SPATA16: variants seen among roughly 807,000 people sequenced by gnomAD.
SPATA16 encodes the protein spermatogenesis-associated protein 16.
A neutral mutation model predicts 63.3 loss-of-function variants in SPATA16; 36 were observed. That is an observed-to-expected ratio of 0.57 (90% CI 0.44 to 0.75). The LOEUF is 0.75. Ranked by LOEUF, SPATA16 falls within the 30% of genes least tolerant of loss-of-function variation. SPATA16 has a pLI of 0.00. For synonymous variants in SPATA16, 203 were observed against 216.7 expected, an observed-to-expected ratio of 0.94 and a Z score of 0.56; for missense variants, 646 against 679.3, an observed-to-expected ratio of 0.95 and a Z score of 0.54.
At chr3:172,964,668 C>A (rs1476494736) in intron 5 of SPATA16, among the ~76,000 whole-genome samples, 3 of 152,084 alleles carry the variant, frequency 2.0e-5, no homozygotes, top group Non-Finnish European at 4.4e-5. Context: ...GTAGGTATTT[C>A]TTTTCCTAAC....
In SPATA16 at chr3:172,916,482, C is replaced by T. The variant is rs1560065987; in HGVS notation, c.1339-1G>A. The T allele has an allele frequency of 6.2e-6, 10 of 1,613,528 alleles. No individual in the cohort carries two copies. Among genetic ancestry groups the T allele is most frequent in the Non-Finnish European group, 7.6e-6 (9 of 1,179,600 alleles). The stretch of plus-strand genomic sequence containing the variant: ...CACCTGAGGATGCAGGAAAACTCCC[C>T]TAGTCTCAAAGTAAAAGAAATGTTT... On this transcript the variant is annotated splice_acceptor_variant, in intron 8 of 10. Coordinates refer to ENST00000351008, the MANE Select transcript of SPATA16 (RefSeq NM_031955.6). LOFTEE classifies it high-confidence loss of function.
intron 1 of SPATA16, among the ~76,000 whole-genome samples, chr3:173,122,897 G>A (rs1738118869): frequency 1.3e-5 from 2 of 152,236 alleles, no homozygotes; most frequent in East Asian, 1.9e-4. Context: ...GACCCTCAAT[G>A]TACATTTGTT....
chr3:173,052,409 C>G (rs1189253894), intron 2 of SPATA16, among the ~76,000 whole-genome samples: 1 of 152,116 alleles, frequency 6.6e-6, no homozygotes, highest in Non-Finnish European at 1.5e-5. Context: ...AAATAGGCAG[C>G]CTGCTGGGTA....
At chr3:173,114,643 A>C (rs987721491) in intron 2 of SPATA16, among the ~76,000 whole-genome samples, 1 of 152,218 alleles carries the variant, frequency 6.6e-6, no homozygotes, top group Non-Finnish European at 1.5e-5. Context: ...CTTATTTTGC[A>C]GCCAAACCTA....
Position 172,978,416 on chromosome 3 carries a change from G to A in SPATA16, c.849-1364C>T, listed in dbSNP as rs183242634. The stretch of plus-strand genomic sequence containing the variant: ...TGTTTGCATTTTGATAGAAGCACAT[G>A]GAAACATTTTCTTTTCATAACAACC... On this transcript the variant is annotated intron_variant, in intron 4 of 10. Transcript: ENST00000351008. Among the ~76,000 whole-genome samples, 86 of 152,210 alleles carry A rather than the reference G, an allele frequency of 5.7e-4. No individual in the cohort carries two copies. In the East Asian group the frequency reaches 0.016, roughly 28 times the overall value.
chr3:172,940,197 C>T (rs529158595), intron 6 of SPATA16, among the ~76,000 whole-genome samples: 6 of 152,098 alleles, frequency 3.9e-5, no homozygotes, highest in South Asian at 2.1e-4. Flanking sequence ...CTGAGCTCAG[C>T]GAACAAATTA....
chr3:173,036,192 A>T (rs1225089479), intron 3 of SPATA16, among the ~76,000 whole-genome samples: 9 of 152,088 alleles, frequency 5.9e-5, no homozygotes, highest in Admixed American at 5.3e-4. Flanking sequence ...AATTATGATT[A>T]TCAGACTTGA....
At chr3:172,927,178 A>G (rs1399686079) in intron 6 of SPATA16, among the ~76,000 whole-genome samples, 2 of 152,152 alleles carry the variant, frequency 1.3e-5, no homozygotes, top group Non-Finnish European at 1.5e-5. Context: ...TTCTGTTTGA[A>G]TCCTGGCACA....
intron 6 of SPATA16, among the ~76,000 whole-genome samples, chr3:172,938,769 A>G (rs1347994271): frequency 3.9e-5 from 6 of 152,092 alleles, no homozygotes; most frequent in African/African-American, 1.2e-4. Context: ...GTTCTCCTAT[A>G]AAACCTAAAA....
chr3:173,031,658 G>A (rs1010817063), intron 3 of SPATA16, among the ~76,000 whole-genome samples: 1 of 151,934 alleles, frequency 6.6e-6, no homozygotes, highest in African/African-American at 2.4e-5. Context: ...AATGAGAATA[G>A]AAAGAAAACT....
intron 4 of SPATA16, among the ~76,000 whole-genome samples, chr3:172,998,993 A>T (rs574852344): frequency 6.7e-6 from 1 of 150,260 alleles, no homozygotes; most frequent in African/African-American, 2.4e-5. Flanking sequence ...CTGGTAGGCA[A>T]TTTTTTTTTT....
chr3:173,097,164 A>G (rs1737378814), intron 2 of SPATA16, among the ~76,000 whole-genome samples: 1 of 152,144 alleles, frequency 6.6e-6, no homozygotes, highest in African/African-American at 2.4e-5. Context: ...TGTCTCACAT[A>G]TCCATGCTCT....
chr3:173,113,461 CA>C (rs1737803194), intron 2 of SPATA16, among the ~76,000 whole-genome samples: 1 of 152,066 alleles, frequency 6.6e-6, no homozygotes, highest in South Asian at 2.1e-4. Flanking sequence ...AGAAAGCATG[CA>C]AAAATAAGTT....
intron 2 of SPATA16, 53 bp downstream of exon 2, chr3:173,117,067 C>G: frequency 6.4e-7 from 1 of 1,567,094 alleles, no homozygotes; most frequent in Non-Finnish European, 8.8e-7. Context: ...GTAATTGCAA[C>G]TTTCCATTTC....
At chr3:172,943,873 A>C (rs1733218832) in intron 6 of SPATA16, among the ~76,000 whole-genome samples, 1 of 152,222 alleles carries the variant, frequency 6.6e-6, no homozygotes, top group African/African-American at 2.4e-5. Flanking sequence ...TAATAAAACT[A>C]TTCAAAAAAC....
rs148883144 is a variant in SPATA16, at chr3:173,070,661, A to G, written c.613-21567T>C. On this transcript the variant is annotated intron_variant, in intron 2 of 10. Coordinates refer to ENST00000351008, the MANE Select transcript of SPATA16 (RefSeq NM_031955.6). ...TCTTACAAAAGTCCGAAGCATTTCT[A>G]TATGCCAACAGCAAACAATCTGAAA... is the stretch of plus-strand genomic sequence containing the variant. Among the ~76,000 whole-genome samples, 708 of 152,362 alleles carry G rather than the reference A, an allele frequency of 4.6e-3. 3 individuals are homozygous for G. The highest frequency in any genetic ancestry group is 7.8e-3 in the Non-Finnish European group (531 of 68,038).
In SPATA16 at chr3:172,925,462, G is replaced by C; in HGVS notation, c.1112C>G (p.Thr371Arg). 6.2e-7 allele frequency: 1 copy of C among 1,614,024 alleles called. No individual in the cohort carries two copies. The highest frequency in any genetic ancestry group is 8.5e-7 in the Non-Finnish European group (1 of 1,179,936). ...GGGAGGAAAAGATGACCAGTCAACT[G>C]TCTGAGGCAACATGTGGAGTGCTTG... ...DLQALHMLPQ[T>R]VDWSSFPPQQ... is the part of the protein sequence containing the mutation. The change falls in exon 7 of 11, where the codon ACA (threonine) becomes AGA (arginine). Residue 371 changes from threonine to arginine, a missense_variant. Transcript: ENST00000351008.
At chr3:172,962,308 T>TA (rs1560080939) in intron 5 of SPATA16, among the ~76,000 whole-genome samples, 1 of 137,964 alleles carries the variant, frequency 7.2e-6, no homozygotes, top group African/African-American at 2.7e-5. Flanking sequence ...AAGATGGCAC[T>TA]ACATAGTGGA....
At chr3:172,970,349 C>T (rs775371178) in intron 5 of SPATA16, among the ~76,000 whole-genome samples, 18 of 152,100 alleles carry the variant, frequency 1.2e-4, no homozygotes, top group Admixed American at 2.6e-4. Flanking sequence ...ATATCTTATT[C>T]TTATAGAATT....
Sources: gnomAD v4.1 joint callset for allele counts (sites outside exome capture counted in the v4.1 genomes callset) on GRCh38, gnomAD v4.1.1 for gene constraint, MANE v1.5 for transcripts, NCBI Gene and HGNC (gene_info 2026-07-23, HGNC 2026-07-21) for gene names.